Variants in PTCD1 observed in about 807,000 individuals in gnomAD.
The protein encoded by PTCD1 is pentatricopeptide repeat domain 1, also known as pentatricopeptide repeat-containing protein 1, mitochondrial.
A neutral mutation model predicts 53.4 loss-of-function variants in PTCD1; 50 were observed. That is an observed-to-expected ratio of 0.94 (90% CI 0.75 to 1.19). PTCD1 has a LOEUF of 1.19. Among genes scored for constraint, PTCD1 ranks in the 50% most tolerant of loss-of-function variants. The pLI is 0.00. For synonymous variants in PTCD1, 413 were observed against 394.8 expected, an observed-to-expected ratio of 1.05 and a Z score of -0.55; for missense variants, 918 against 904.8, an observed-to-expected ratio of 1.01 and a Z score of -0.19.
At position 99,423,765 on chromosome 7, in the gene PTCD1, G is replaced by C. The variant is rs1162099359; in HGVS notation, c.1920+10C>G. ...AGGAGCTGATGAGCTTTTGAGCTTG[G>C]GGCACACACCCGGTCAAAGGTGGGA... On this transcript the variant is annotated intron_variant, in intron 7 of 7. Coordinates refer to ENST00000292478, the MANE Select transcript of PTCD1 (RefSeq NM_015545.4). The C allele has an allele frequency of 6.2e-7, 1 of 1,613,810 alleles. No homozygotes were observed. Among genetic ancestry groups the C allele is most frequent in the African/African-American group, 1.3e-5 (1 of 75,030 alleles).
At position 99,417,242 on chromosome 7, in the gene PTCD1, G is replaced by A. The variant is rs576215595; in HGVS notation, c.*2725C>T. ...TAATTTTTGTATTTTTAGTAGAGAC[G>A]GGGTTTTACCATGTTGGCCGGGCTG... On this transcript the variant is annotated 3_prime_UTR_variant, in exon 8 of 8. Transcript: ENST00000292478. 1.1e-5 allele frequency: 6 copies of A among 536,760 alleles called. No individual in the cohort carries two copies. Among genetic ancestry groups the A allele is most frequent in the South Asian group, 7.9e-5 (4 of 50,826 alleles). 33.2% of individuals were successfully genotyped at this position (536,760 alleles called of 1,614,324 possible).
intron 5 of PTCD1, among the ~76,000 whole-genome samples, chr7:99,427,199 C>T (rs1175658548): frequency 3.4e-5 from 5 of 146,464 alleles, no homozygotes; most frequent in African/African-American, 5.0e-5. Flanking sequence ...GCCCCCTGCC[C>T]GGCCAGCCGC....
intron 5 of PTCD1, among the ~76,000 whole-genome samples, chr7:99,427,336 C>T (rs554099083): frequency 7.4e-4 from 111 of 150,512 alleles, no homozygotes; most frequent in Non-Finnish European, 1.3e-3. Context: ...GGCCAGCCGC[C>T]CCGTCCGGGA....
rs756553510 is a variant in PTCD1 at position 99,419,554 on chromosome 7, A to C, written c.*413T>G. ...AGGCCCGAGTTGGAGCACGGTCTCT[A>C]TGGGGAAGGCTTCGCTGTCTATCAG... On this transcript the variant is annotated 3_prime_UTR_variant, in exon 8 of 8. Transcript: ENST00000292478. 8.1e-7 allele frequency: 1 copy of C among 1,238,170 alleles called. No homozygotes were observed. The highest frequency in any genetic ancestry group is 1.2e-6 in the Non-Finnish European group (1 of 858,896). 76.7% of individuals were successfully genotyped at this position (1,238,170 alleles called of 1,614,324 possible).
Position 99,419,546 on chromosome 7 carries a change from CG to C in PTCD1, c.*420del. ...AGTGCCCCAGGCCCGAGTTGGAGCA[CG>C]GTCTCTATGGGGAAGGCTTCGCTGT... On this transcript the variant is annotated 3_prime_UTR_variant, in exon 8 of 8. Transcript: ENST00000292478. The C allele has an allele frequency of 7.5e-7, 1 of 1,331,394 alleles. No individual in the cohort carries two copies. The highest frequency in any genetic ancestry group is 1.2e-5 in the South Asian group (1 of 84,740). The allele number at this position is 1,331,394 out of a possible 1,614,324, so 82.5% of individuals were successfully genotyped here.
At position 99,435,015 on chromosome 7, in the gene PTCD1, C is replaced by A; in HGVS notation, c.228G>T (p.Thr76=). The A allele has an allele frequency of 6.8e-6, 11 of 1,614,084 alleles. No homozygotes were observed. Among genetic ancestry groups the A allele is most frequent in the Non-Finnish European group, 9.3e-6 (11 of 1,179,990 alleles). Residue 76 remains threonine, a synonymous_variant, in exon 2 of 8, where the codon ACG becomes ACT. Transcript: ENST00000292478. ...CCTCCTCGTCTTCTTCCTGCGTGGC[C>A]GTGGAGTTGGAGTGGCTCGGGTCAG... is the stretch of plus-strand genomic sequence containing the variant. The part of the protein sequence containing the change: ...LGSDPSHSNS[T]ATQEEDEEEE...
At chr7:99,420,276 CAG>C in intron 7 of PTCD1, 127 bp from the exon 8 acceptor site, 1 of 1,367,682 alleles carries the variant, frequency 7.3e-7, no homozygotes, top group Admixed American at 1.8e-5. Context: ...CTGCAGAGGA[CAG>C]GGCAGAAAAG....
At chr7:99,426,872 C>T (rs1299464415) in intron 5 of PTCD1, among the ~76,000 whole-genome samples, 2 of 151,688 alleles carry the variant, frequency 1.3e-5, no homozygotes, top group Middle Eastern at 3.4e-3. Flanking sequence ...GCCGCGACCC[C>T]GTCTGGGAGG....
intron 5 of PTCD1, 50 bp from the exon 6 acceptor site, chr7:99,425,666 G>C (rs751406918): frequency 1.3e-6 from 2 of 1,565,776 alleles, no homozygotes; most frequent in Non-Finnish European, 1.7e-6. Flanking sequence ...TCAGCAGCTG[G>C]GCGCAGGGCT....
At position 99,417,581 on chromosome 7, in the gene PTCD1, A is replaced by G; in HGVS notation, c.*2386T>C. 3 of 1,612,422 alleles carry G rather than the reference A, an allele frequency of 1.9e-6. No homozygotes were observed. The highest frequency in any genetic ancestry group is 2.5e-6 in the Non-Finnish European group (3 of 1,179,938). On this transcript the variant is annotated 3_prime_UTR_variant, in exon 8 of 8. Transcript: ENST00000292478. ...GAACTGCATCTGCCGCGTGCCCAAA[A>G]GCAAGCTGGAAGTGGTAATGTCTGA...
Position 99,423,792 on chromosome 7 carries a change from G to C in PTCD1, c.1903C>G (p.Pro635Ala), listed in dbSNP as rs2150948625. Residue 635 changes from proline (P) to alanine (A), a missense_variant, in exon 7 of 8, where the codon CCT becomes GCT. Pro to Ala is a conservative substitution (Grantham distance 27). Coordinates refer to ENST00000292478, the MANE Select transcript of PTCD1 (RefSeq NM_015545.4). ...GCACACACCCGGTCAAAGGTGGGAG[G>C]GTACTGGGCTGCAAACTCCAGCTGG... ...IRQLEFAAQY[P>A]PTFDRYQGKN... The C allele has an allele frequency of 6.2e-7, 1 of 1,614,098 alleles. No individual in the cohort carries two copies. Among genetic ancestry groups the C allele is most frequent in the South Asian group, 1.1e-5 (1 of 91,068 alleles).
At position 99,419,977 on chromosome 7, in the gene PTCD1, C is replaced by G; in HGVS notation, c.2093G>C (p.Gly698Ala). Residue 698 changes from glycine (G) to alanine (A), a missense_variant, in exon 8 of 8, where the codon GGG becomes GCG. Physicochemically the swap from Gly to Ala is moderately conservative, Grantham distance 60 (BLOSUM62 0). Coordinates refer to ENST00000292478, the MANE Select transcript of PTCD1 (RefSeq NM_015545.4). ...CCAGCTGTGCTCCCATCACCTGCCC[C>G]CAAGGGCACATCCGTCATCAGCCTC... ...GKEADDGCAL[G>A]GR is the part of the protein sequence containing the mutation. 6.2e-7 allele frequency: 1 copy of G among 1,614,236 alleles called. No individual in the cohort carries two copies. Among genetic ancestry groups the G allele is most frequent in the Non-Finnish European group, 8.5e-7 (1 of 1,180,034 alleles).
Position 99,417,651 on chromosome 7 carries a change from C to A in PTCD1, c.*2316G>T. ...TTTCAGCTCAAAATTCTGCCTTAGT[C>A]GACTGCAAGGGATCTTATGTTATTT... On this transcript the variant is annotated 3_prime_UTR_variant, in exon 8 of 8. Transcript: ENST00000292478. 6.3e-7 allele frequency: 1 copy of A among 1,598,436 alleles called. No homozygotes were observed. The highest frequency in any genetic ancestry group is 1.1e-5 in the South Asian group (1 of 90,360).
intron 1 of PTCD1, among the ~76,000 whole-genome samples, chr7:99,437,825 A>G (rs751413821): frequency 6.6e-6 from 1 of 151,888 alleles, no homozygotes; most frequent in Non-Finnish European, 1.5e-5. Flanking sequence ...CCACTACTCC[A>G]GGCCAATTTT....
chr7:99,426,833 G>A lies in PTCD1; in HGVS notation c.916-1217C>T, dbSNP rs368108407. On this transcript the variant is annotated intron_variant, in intron 5 of 7. Transcript: ENST00000292478. ...GGGAGCGCCTCTGCCCCGCCGCCCC[G>A]TCTGGGATGTGAGGAGCGCCTCTGC... is the stretch of plus-strand genomic sequence containing the variant. Among the ~76,000 whole-genome samples the A allele has an allele frequency of 2.2e-3, 324 of 146,138 alleles. 2 individuals are homozygous for A. The East Asian group carries it at 0.045, about 20-fold the overall frequency.
Position 99,420,005 on chromosome 7 carries a change from T to G in PTCD1, c.2065A>C (p.Lys689Gln). The G allele has an allele frequency of 6.2e-7, 1 of 1,614,190 alleles. No homozygotes were observed. The highest frequency in any genetic ancestry group is 8.5e-7 in the Non-Finnish European group (1 of 1,180,008). Reference protein sequence around the residue: ...TKPQGDQDTGKEADDGCALGG... With the variant: ...TKPQGDQDTGQEADDGCALGG... ...AGGGCACATCCGTCATCAGCCTCCT[T>G]GCCGGTGTCCTGGTCCCCCTGGGGC... The change falls in exon 8 of 8, where the codon AAG becomes CAG. Residue 689 changes from lysine (K) to glutamine (Q), a missense_variant. Transcript: ENST00000292478.
Position 99,418,121 on chromosome 7 carries a change from C to T in PTCD1, c.*1846G>A. 1 of 328,978 alleles carries T rather than the reference C, an allele frequency of 3.0e-6. No homozygotes were observed. Among genetic ancestry groups the T allele is most frequent in the Non-Finnish European group, 4.6e-6 (1 of 217,054 alleles). 20.4% of individuals were successfully genotyped at this position (328,978 alleles called of 1,614,324 possible). On this transcript the variant is annotated 3_prime_UTR_variant, in exon 8 of 8. Transcript: ENST00000292478. Reference sequence around the variant, plus strand: ...TAGCTGGGACTACAGGCATGCACCACCACGCCTGGCTAATTTTGTATTTTT... The same window carrying T: ...TAGCTGGGACTACAGGCATGCACCATCACGCCTGGCTAATTTTGTATTTTT...
chr7:99,419,574 T>C lies in PTCD1; in HGVS notation c.*393A>G, dbSNP rs1212160929. ...TCTCTATGGGGAAGGCTTCGCTGTC[T>C]ATCAGCTGTGATTTGTAAAAATAAA... On this transcript the variant is annotated 3_prime_UTR_variant, in exon 8 of 8. Coordinates refer to ENST00000292478, the MANE Select transcript of PTCD1 (RefSeq NM_015545.4). The C allele has an allele frequency of 4.0e-6, 4 of 997,790 alleles. No individual in the cohort carries two copies. The highest frequency in any genetic ancestry group is 6.1e-6 in the Non-Finnish European group (4 of 659,788). The allele number at this position is 997,790 out of a possible 1,614,324, so 61.8% of individuals were successfully genotyped here.
chr7:99,418,360 A>G lies in PTCD1; in HGVS notation c.*1607T>C, dbSNP rs1795625030. ...TGCTGAGGGACAGGAGCTGAGCTCCATCCGGTTCCAAGCCCCTCTGAAAGG... is the reference window on the plus strand; with the variant it reads ...TGCTGAGGGACAGGAGCTGAGCTCCGTCCGGTTCCAAGCCCCTCTGAAAGG... On this transcript the variant is annotated 3_prime_UTR_variant, in exon 8 of 8. Transcript: ENST00000292478. 1 of 155,046 alleles carries G rather than the reference A, an allele frequency of 6.4e-6. No individual in the cohort carries two copies. The highest frequency in any genetic ancestry group is 1.4e-5 in the Non-Finnish European group (1 of 69,890). 9.6% of individuals were successfully genotyped at this position (155,046 alleles called of 1,614,324 possible). A position where few individuals can be genotyped will look rare whatever the true frequency, so the allele number is the denominator to read the frequency against.
Sources: allele counts gnomAD v4.1 joint callset (sites outside exome capture counted in the v4.1 genomes callset), GRCh38; gene constraint gnomAD v4.1.1; transcripts MANE v1.5; gene names NCBI Gene and HGNC (gene_info 2026-07-23, HGNC 2026-07-21).